The following ITIH1 variants were observed in gnomAD, a reference collection of about 807,000 sequenced individuals.
The protein encoded by ITIH1 is inter-alpha-trypsin inhibitor heavy chain H1.
A neutral mutation model predicts 104.6 loss-of-function variants in ITIH1; 94 were observed. The ratio of observed to expected loss-of-function variants is 0.90; its 90% CI spans 0.76 to 1.07. The LOEUF (loss-of-function observed/expected upper bound fraction) is 1.07, where lower values mean the gene tolerates loss of function less well. Ranked by LOEUF, ITIH1 falls within the 50% of genes least tolerant of loss-of-function variation. The pLI, the probability that ITIH1 is intolerant of heterozygous loss-of-function variation, is 0.00. For missense variants in ITIH1, 1,193 were observed against 1,181.4 expected (o/e 1.01, Z -0.14); for synonymous variants, 455 against 464.4 (o/e 0.98, Z 0.26).
At chr3:52,783,173 A>C in intron 9 of ITIH1, 41 bp from the exon 10 acceptor site, 1 of 1,614,160 alleles carries the variant, frequency 6.2e-7, no homozygotes, top group Non-Finnish European at 8.5e-7. Context: ...CTGTCCCCTC[A>C]GAATGAGGGC....
At chr3:52,787,753 C>T (rs1482264187) in intron 16 of ITIH1, 141 bp downstream of exon 16, 1 of 1,067,802 alleles carries the variant, frequency 9.4e-7, no homozygotes, top group Non-Finnish European at 1.5e-6. Flanking sequence ...CCTGGCCTCC[C>T]CAGCCTGAGG....
chr3:52,789,417 G>T (rs141620077), intron 18 of ITIH1, among the ~76,000 whole-genome samples: 3 of 152,126 alleles, frequency 2.0e-5, no homozygotes, highest in African/African-American at 7.2e-5. Flanking sequence ...CACGACCTCC[G>T]TTAGGACCCA....
intron 2 of ITIH1, 82 bp downstream of exon 2, chr3:52,778,099 C>T (rs1223768335): frequency 2.7e-6 from 4 of 1,501,702 alleles, no homozygotes; most frequent in Non-Finnish European, 3.7e-6. Context: ...GGGGTGGACC[C>T]CTCTATCAGG....
At chr3:52,781,213 TCTTCTTC>T (rs1699036475) in intron 6 of ITIH1, among the ~76,000 whole-genome samples, 7 of 22,214 alleles carry the variant, frequency 3.2e-4, no homozygotes, top group Admixed American at 1.6e-3. Flanking sequence ...TTTTTTTTCT[TCTTCTTC>T]TTCTTCTTCT....
In ITIH1 at chr3:52,781,204, TTTTTTTCTTCTTCTTC is replaced by T. The variant is rs1407806327; in HGVS notation, c.688-733_688-718del. Among the ~76,000 whole-genome samples the T allele has an allele frequency of 6.7e-3, 807 of 121,284 alleles. 74 individuals are homozygous for T. The highest frequency in any genetic ancestry group is 0.02 in the African/African-American group (522 of 26,558). The allele number at this position is 121,284 out of a possible 152,430, so 79.6% of individuals were successfully genotyped here. A position where few individuals can be genotyped will look rare whatever the true frequency, so the allele number is the denominator to read the frequency against. ...CCTTCACCTCCTCCTCTTCTTTTTT[TTTTTTTCTTCTTCTTC>T]TTCTTCTTCTTCTTCTTCTTCTTCT... On this transcript the variant is annotated intron_variant, in intron 6 of 21. Transcript: ENST00000273283.
chr3:52,787,292 C>A, intron 15 of ITIH1, 90 bp downstream of exon 15: 2 of 1,522,954 alleles, frequency 1.3e-6, no homozygotes, highest in Non-Finnish European at 1.8e-6. Flanking sequence ...AGCTCCCCAT[C>A]CCCATTCTTC....
At position 52,778,422 on chromosome 3, in the gene ITIH1, A is replaced by G. The variant is rs1698956815; in HGVS notation, c.221A>G (p.Gln74Arg). ...SRFAHYVVTS[Q>R]VVNTANEARE... ...TTCGCCCACTATGTTGTCACCAGCC[A>G]AGTGGTCAACACTGCCAATGAAGCC... Residue 74 changes from glutamine to arginine, a missense_variant, in exon 3 of 22, where the codon CAA (glutamine) becomes CGA (arginine). Gln to Arg is a conservative substitution (Grantham distance 43, BLOSUM62 1). Transcript: ENST00000273283. The G allele has an allele frequency of 6.2e-7, 1 of 1,614,114 alleles. No individual in the cohort carries two copies. Among genetic ancestry groups the G allele is most frequent in the Admixed American group, 1.7e-5 (1 of 60,010 alleles).
At chr3:52,786,529 G>A (rs1426870579) in intron 13 of ITIH1, 95 bp downstream of exon 13, 2 of 1,225,886 alleles carry the variant, frequency 1.6e-6, no homozygotes, top group East Asian at 5.1e-5. Flanking sequence ...TCTGGGGCAA[G>A]TAGGTCAGAT....
intron 11 of ITIH1, 98 bp from the exon 12 acceptor site, chr3:52,784,946 C>A: frequency 7.9e-7 from 1 of 1,259,370 alleles, no homozygotes; most frequent in Non-Finnish European, 1.1e-6. Flanking sequence ...CAAATTCCTT[C>A]TCTAACTTGG....
chr3:52,780,647 G>A (rs113808375), intron 6 of ITIH1, among the ~76,000 whole-genome samples: 2 of 152,356 alleles, frequency 1.3e-5, no homozygotes, highest in South Asian at 2.1e-4. Context: ...GGTCCAGGGT[G>A]AGTTGCTGGC....
intron 14 of ITIH1, 38 bp from the exon 15 acceptor site, chr3:52,787,150 C>G (rs1209226963): frequency 1.2e-6 from 2 of 1,614,206 alleles, no homozygotes; most frequent in South Asian, 2.2e-5. Context: ...CCAAAAACCT[C>G]TGGGGCTCTA....
rs183095906 is a variant in ITIH1 at position 52,788,353 on chromosome 3, G to A, written c.2119+8G>A. 400 of 1,541,992 alleles carry A rather than the reference G, an allele frequency of 2.6e-4. 1 individual carries two copies. The African/African-American group carries it at 4.2e-3, about 16-fold the overall frequency. ...TACAGGACCCCAACACAGGTATGGC[G>A]GGCATCACACCTCTGCCAGACAGGG... On this transcript the variant is annotated splice_region_variant and intron_variant, in intron 18 of 21. Coordinates refer to ENST00000273283, the MANE Select transcript of ITIH1 (RefSeq NM_002215.4).
chr3:52,783,322 A>G lies in ITIH1; in HGVS notation c.1208A>G (p.Asp403Gly), dbSNP rs1444729407. 8 of 1,614,074 alleles carry G rather than the reference A, an allele frequency of 5.0e-6. No homozygotes were observed. Among genetic ancestry groups the G allele is most frequent in the Non-Finnish European group, 6.8e-6 (8 of 1,180,018 alleles). The change falls in exon 10 of 22, where the codon GAT (aspartate) becomes GGT (glycine). Residue 403 changes from aspartate to glycine, a missense_variant. Physicochemically the swap from Asp to Gly is moderately conservative, Grantham distance 94. Coordinates refer to ENST00000273283, the MANE Select transcript of ITIH1 (RefSeq NM_002215.4). Reference protein sequence around the residue: ...NHASILIMLTDGDPTEGVTDR... With the variant: ...NHASILIMLTGGDPTEGVTDR... The stretch of plus-strand genomic sequence containing the variant: ...GCCTCAATACTCATCATGTTGACAG[A>G]TGGCGATCCCACAGAGGGTAAGCAC...
Position 52,789,823 on chromosome 3 carries a change from T to C in ITIH1, c.2290T>C (p.Trp764Arg). 1 of 1,614,230 alleles carries C rather than the reference T, an allele frequency of 6.2e-7. No homozygotes were observed. The highest frequency in any genetic ancestry group is 8.5e-7 in the Non-Finnish European group (1 of 1,180,034). ...NPGFGGPVFSWRDQAVLRQDG... is the reference protein window; with the variant it reads ...NPGFGGPVFSRRDQAVLRQDG... ...CGGCTTTGGTGGGCCTGTGTTTTCCTGGAGGGACCAAGCTGTGCTGCGGCA... is the reference window on the plus strand; with the variant it reads ...CGGCTTTGGTGGGCCTGTGTTTTCCCGGAGGGACCAAGCTGTGCTGCGGCA... The change falls in exon 19 of 22, where the codon TGG becomes CGG. Residue 764 changes from tryptophan (W) to arginine (R), a missense_variant. Physicochemically the swap from Trp to Arg is moderately radical, Grantham distance 101. Coordinates refer to ENST00000273283, the MANE Select transcript of ITIH1 (RefSeq NM_002215.4).
intron 18 of ITIH1, among the ~76,000 whole-genome samples, chr3:52,789,143 A>G (rs1699282689): frequency 7.3e-6 from 1 of 136,454 alleles, no homozygotes; most frequent in South Asian, 2.2e-4. Flanking sequence ...CTGGGAATGC[A>G]GTGGGAGCCA....
In ITIH1 at chr3:52,778,934, C is replaced by T. The variant is rs1698972832; in HGVS notation, c.306-8C>T. ...ATCTTTCCTGAGGGTGTCCTTCCCT[C>T]CCTGCAGTACAGCAGATGGAAACGC... On this transcript the variant is annotated splice_polypyrimidine_tract_variant and splice_region_variant and intron_variant, in intron 3 of 21. Coordinates refer to ENST00000273283, the MANE Select transcript of ITIH1 (RefSeq NM_002215.4). 18 of 1,597,544 alleles carry T rather than the reference C, an allele frequency of 1.1e-5. No homozygotes were observed. The highest frequency in any genetic ancestry group is 1.5e-5 in the Non-Finnish European group (18 of 1,164,874).
chr3:52,791,780 A>G lies in ITIH1; in HGVS notation c.2607-2A>G. Reference sequence around the variant, plus strand: ...GACCCCAGCTGACTTGTCTCTGCACAGGGGTTTGCAAAAAGACTACAGCAA... The same window carrying G: ...GACCCCAGCTGACTTGTCTCTGCACGGGGGTTTGCAAAAAGACTACAGCAA... On this transcript the variant is annotated splice_acceptor_variant, in intron 21 of 21. Transcript: ENST00000273283. LOFTEE classifies it high-confidence loss of function. 1.2e-6 allele frequency: 2 copies of G among 1,612,256 alleles called. No homozygotes were observed. Among genetic ancestry groups the G allele is most frequent in the East Asian group, 2.2e-5 (1 of 44,884 alleles).
Position 52,786,210 on chromosome 3 carries a change from G to C in ITIH1, c.1594-85G>C. 2.9e-6 allele frequency: 4 copies of C among 1,394,926 alleles called. No individual in the cohort carries two copies. The South Asian group carries it at 5.3e-5, about 19-fold the overall frequency. 86.4% of individuals were successfully genotyped at this position (1,394,926 alleles called of 1,614,324 possible). On this transcript the variant is annotated intron_variant, in intron 12 of 21. Coordinates refer to ENST00000273283, the MANE Select transcript of ITIH1 (RefSeq NM_002215.4). ...GAGGACGAAGCTGCAGATACCAGACGAAATGGGCCCCTCAGAGCCCCTAGC... is the reference window on the plus strand; with the variant it reads ...GAGGACGAAGCTGCAGATACCAGACCAAATGGGCCCCTCAGAGCCCCTAGC...
At position 52,784,405 on chromosome 3, in the gene ITIH1, G is replaced by A; in HGVS notation, c.1335G>A (p.Glu445=). 1 of 1,614,158 alleles carries A rather than the reference G, an allele frequency of 6.2e-7. No individual in the cohort carries two copies. Among genetic ancestry groups the A allele is most frequent in the Non-Finnish European group, 8.5e-7 (1 of 1,180,008 alleles). Residue 445 remains glutamate, a synonymous_variant, in exon 11 of 22, where the codon GAG becomes GAA. Coordinates refer to ENST00000273283, the MANE Select transcript of ITIH1 (RefSeq NM_002215.4). ...FGHNVDFNFL[E]VMSMENNGRA... is the part of the protein sequence containing the mutation. ...ACAATGTGGACTTTAACTTTCTGGA[G>A]GTCATGTCCATGGAGAACAACGGAC... is the stretch of plus-strand genomic sequence containing the variant.
Sources: gnomAD v4.1 joint callset for allele counts (sites outside exome capture counted in the v4.1 genomes callset) on GRCh38, gnomAD v4.1.1 for gene constraint, MANE v1.5 for transcripts, NCBI Gene and HGNC (gene_info 2026-07-23, HGNC 2026-07-21) for gene names.